The following TRAF3IP1 variants were observed in gnomAD, a reference collection of about 807,000 sequenced individuals.
TRAF3IP1 encodes TRAF3-interacting protein 1.
TRAF3IP1 carries 53 observed loss-of-function variants against 89.9 expected under a neutral mutation model. The observed-to-expected ratio is 0.59, with a 90% CI of 0.47 to 0.74. The LOEUF (loss-of-function observed/expected upper bound fraction) is 0.74. TRAF3IP1 is among the 30% of genes least tolerant of loss of function. TRAF3IP1 has a pLI of 0.00. For missense variants in TRAF3IP1, 806 were observed against 866.1 expected, an observed-to-expected ratio of 0.93 and a Z score of 0.87; for synonymous variants, 311 against 322.1, an observed-to-expected ratio of 0.97 and a Z score of 0.37.
chr2:238,337,987 C>T (rs555379717), intron 7 of TRAF3IP1, among the ~76,000 whole-genome samples: 14 of 152,150 alleles, frequency 9.2e-5, no homozygotes, highest in East Asian at 5.8e-4. Flanking sequence ...TGGACCTTTG[C>T]GCAGTAATTA....
intron 15 of TRAF3IP1, among the ~76,000 whole-genome samples, chr2:238,383,275 G>A (rs188796246): frequency 6.6e-6 from 1 of 152,280 alleles, no homozygotes; most frequent in East Asian, 1.9e-4. Flanking sequence ...AAACTTGCGG[G>A]TCTCTTTTCT....
At position 238,397,592 on chromosome 2, in the gene TRAF3IP1, A is replaced by G. The variant is rs1701287180; in HGVS notation, c.1823A>G (p.Gln608Arg). The G allele has an allele frequency of 2.5e-6, 4 of 1,612,966 alleles. No homozygotes were observed. The East Asian group carries it at 6.7e-5, about 27-fold the overall frequency. The change falls in exon 16 of 17, where the codon CAG becomes CGG. Residue 608 changes from glutamine (Q) to arginine (R), a missense_variant. Coordinates refer to ENST00000373327, the MANE Select transcript of TRAF3IP1 (RefSeq NM_015650.4). ...CTGGGGAAGATCATGGACTACATCC[A>G]GGAAGACGTGGATGCCATGCAGAAT... ...LPLGKIMDYI[Q>R]EDVDAMQNEL...
In TRAF3IP1 at chr2:238,362,250, A is replaced by T. The variant is rs554305638; in HGVS notation, c.1689+6170A>T. Among the ~76,000 whole-genome samples the T allele has an allele frequency of 4.2e-3, 614 of 145,064 alleles. 1 individual carries two copies. The highest frequency in any genetic ancestry group is 0.015 in the African/African-American group (580 of 39,626). ...TGTTATTAGCTGTCCTTTCAAACTA[A>T]TTTTTTTTTTTTACTAAGTCAGCTT... On this transcript the variant is annotated intron_variant, in intron 15 of 16. Coordinates refer to ENST00000373327, the MANE Select transcript of TRAF3IP1 (RefSeq NM_015650.4).
chr2:238,352,720 G>T (rs1699227862), intron 12 of TRAF3IP1, 107 bp from the exon 13 acceptor site: 2 of 1,106,960 alleles, frequency 1.8e-6, no homozygotes, highest in Admixed American at 2.7e-5. Context: ...TCTAGCTAGA[G>T]ATGGTTGGTG....
At chr2:238,352,710 T>A in intron 12 of TRAF3IP1, 117 bp from the exon 13 acceptor site, 1 of 1,030,336 alleles carries the variant, frequency 9.7e-7, no homozygotes, top group Non-Finnish European at 1.4e-6. Context: ...GAGATGCTGT[T>A]CTAGCTAGAG....
At chr2:238,368,153 A>G (rs1354382779) in intron 15 of TRAF3IP1, among the ~76,000 whole-genome samples, 1 of 152,202 alleles carries the variant, frequency 6.6e-6, no homozygotes, top group East Asian at 1.9e-4. Flanking sequence ...GTGAAGAGCT[A>G]TCACTAGAGG....
At chr2:238,327,745 C>T (rs1697909431) in intron 3 of TRAF3IP1, among the ~76,000 whole-genome samples, 1 of 152,126 alleles carries the variant, frequency 6.6e-6, no homozygotes, top group Non-Finnish European at 1.5e-5. Flanking sequence ...TTCCTCTTCT[C>T]CCGTACCCCA....
At chr2:238,361,396 T>C (rs1482079140) in intron 15 of TRAF3IP1, among the ~76,000 whole-genome samples, 1 of 152,172 alleles carries the variant, frequency 6.6e-6, no homozygotes, top group Non-Finnish European at 1.5e-5. Flanking sequence ...TTTTTTCTTT[T>C]TGTTATGGCC....
At chr2:238,343,729 T>G (rs1698767236) in intron 8 of TRAF3IP1, among the ~76,000 whole-genome samples, 1 of 150,870 alleles carries the variant, frequency 6.6e-6, no homozygotes, top group Admixed American at 6.6e-5. Flanking sequence ...CACAGCTTAT[T>G]GCAGCCTAAA....
At chr2:238,367,353 A>G (rs1699927769) in intron 15 of TRAF3IP1, among the ~76,000 whole-genome samples, 1 of 152,080 alleles carries the variant, frequency 6.6e-6, no homozygotes, top group Admixed American at 6.6e-5. Flanking sequence ...GCGCCCTGCA[A>G]CAGAAGACTG....
intron 2 of TRAF3IP1, 28 bp from the exon 3 acceptor site, chr2:238,325,781 A>T: frequency 6.3e-7 from 1 of 1,597,784 alleles, no homozygotes; most frequent in Non-Finnish European, 8.6e-7. Context: ...GTATTGTAAT[A>T]TTTGTATTTT....
At chr2:238,346,906 C>T (rs546952867) in intron 9 of TRAF3IP1, among the ~76,000 whole-genome samples, 1 of 152,342 alleles carries the variant, frequency 6.6e-6, no homozygotes, top group Non-Finnish European at 1.5e-5. Context: ...CATTTGTCCT[C>T]AAGACAACAC....
chr2:238,355,411 T>C (rs904278388), intron 14 of TRAF3IP1, among the ~76,000 whole-genome samples: 2 of 152,298 alleles, frequency 1.3e-5, no homozygotes, highest in African/African-American at 4.8e-5. Context: ...CATCTTGCTC[T>C]TTTTAATTTG....
At chr2:238,347,395 C>G in intron 9 of TRAF3IP1, 60 bp from the exon 10 acceptor site, 1 of 1,575,862 alleles carries the variant, frequency 6.3e-7, no homozygotes, top group Non-Finnish European at 8.7e-7. Context: ...CTGTTCTCAT[C>G]ATTTAATGTA....
rs533800309 is a variant in TRAF3IP1, at chr2:238,343,149, C to T, written c.1160-1348C>T. Among the ~76,000 whole-genome samples, 8 of 151,506 alleles carry T rather than the reference C, an allele frequency of 5.3e-5. No homozygotes were observed. The South Asian group carries it at 6.3e-4, about 12-fold the overall frequency. On this transcript the variant is annotated intron_variant, in intron 8 of 16. Coordinates refer to ENST00000373327, the MANE Select transcript of TRAF3IP1 (RefSeq NM_015650.4). ...GTCACCAGGCTGGAGTGCAGTGGCA[C>T]GATCTCGCTCACTGCAACCTCTGCT...
In TRAF3IP1 at chr2:238,345,802, G is replaced by C. The variant is rs1698865324; in HGVS notation, c.1261+1204G>C. Reference sequence around the variant, plus strand: ...GGGTGATGGCAGGAGCCTGGGTGGGGACTGGGTCACCTAGGACGAGATTGT... The same window carrying C: ...GGGTGATGGCAGGAGCCTGGGTGGGCACTGGGTCACCTAGGACGAGATTGT... On this transcript the variant is annotated intron_variant, in intron 9 of 16. Coordinates refer to ENST00000373327, the MANE Select transcript of TRAF3IP1 (RefSeq NM_015650.4). The surrounding 1 kb of genome is among the most constrained non-coding windows in gnomAD (Gnocchi z 4.7). Among the ~76,000 whole-genome samples, 1 of 152,122 alleles carries C rather than the reference G, an allele frequency of 6.6e-6. No homozygotes were observed. Among genetic ancestry groups the C allele is most frequent in the African/African-American group, 2.4e-5 (1 of 41,422 alleles).
At chr2:238,339,507 G>C (rs917716204) in intron 8 of TRAF3IP1, among the ~76,000 whole-genome samples, 1 of 152,242 alleles carries the variant, frequency 6.6e-6, no homozygotes, top group African/African-American at 2.4e-5. Flanking sequence ...GAGGGCAGCA[G>C]GCAGTGGCGA....
intron 1 of TRAF3IP1, 160 bp downstream of exon 1, chr2:238,320,945 G>T: frequency 4.0e-6 from 2 of 503,136 alleles, no homozygotes; most frequent in South Asian, 1.9e-4. Context: ...GGCCGGGTGT[G>T]AACCGGGTGT....
At chr2:238,321,073 C>T (rs1203193822) in intron 1 of TRAF3IP1, among the ~76,000 whole-genome samples, 1 of 152,192 alleles carries the variant, frequency 6.6e-6, no homozygotes, top group East Asian at 1.9e-4. Context: ...CTGTGCGGCC[C>T]CTGCCTGGGA....
Sources: gnomAD v4.1 joint callset for allele counts (sites outside exome capture counted in the v4.1 genomes callset) on GRCh38, gnomAD v4.1.1 for gene constraint, Gnocchi (gnomAD v3.1) non-coding constraint, MANE v1.5 for transcripts, NCBI Gene and HGNC (gene_info 2026-07-23, HGNC 2026-07-21) for gene names.